Variants in NPAS3 observed in about 807,000 individuals in gnomAD.
The protein encoded by NPAS3 is neuronal PAS domain protein 3.
A neutral mutation model predicts 73.1 loss-of-function variants in NPAS3; 14 were observed. That is an observed-to-expected ratio of 0.19 (90% CI 0.13 to 0.30). The LOEUF (loss-of-function observed/expected upper bound fraction) is 0.30. Among genes scored for constraint, NPAS3 ranks in the 10% least tolerant of loss-of-function variants. NPAS3 has a pLI of 1.00. For synonymous variants in NPAS3, 620 were observed against 541.5 expected, an observed-to-expected ratio of 1.14 and a Z score of -2.01; for missense variants, 1,096 against 1,250.0, an observed-to-expected ratio of 0.88 and a Z score of 1.86.
chr14:33,683,381 T>G (rs541703168), intron 6 of NPAS3, among the ~76,000 whole-genome samples: 1 of 115,248 alleles, frequency 8.7e-6, no homozygotes, highest in Admixed American at 1.2e-4. Flanking sequence ...GTTTCTACAA[T>G]GAAACCCAAG....
chr14:33,773,573 T>C (rs2062721897), intron 7 of NPAS3, among the ~76,000 whole-genome samples: 1 of 152,220 alleles, frequency 6.6e-6, no homozygotes, highest in Non-Finnish European at 1.5e-5. Context: ...TTTGCTTGGT[T>C]CCGGGTGGCC....
chr14:33,374,978 T>C (rs2046255050), intron 4 of NPAS3, among the ~76,000 whole-genome samples: 1 of 152,204 alleles, frequency 6.6e-6, no homozygotes, highest in African/African-American at 2.4e-5. Context: ...TCTACTTTAT[T>C]GTTGAGTTAA....
At chr14:33,691,980 G>A (rs1435230829) in intron 6 of NPAS3, among the ~76,000 whole-genome samples, 1 of 152,188 alleles carries the variant, frequency 6.6e-6, no homozygotes, top group African/African-American at 2.4e-5. Flanking sequence ...TGGAGTGGGG[G>A]TGCTCTTGTG....
At chr14:33,583,388 G>T (rs971082475) in intron 5 of NPAS3, 1 of 152,212 alleles carries the variant, frequency 6.6e-6, no homozygotes, top group Non-Finnish European at 1.5e-5. Context: ...ATGCCTCACA[G>T]TGGGAAAATA....
chr14:33,491,513 C>T (rs1025916934), intron 4 of NPAS3, among the ~76,000 whole-genome samples: 2 of 152,092 alleles, frequency 1.3e-5, no homozygotes, highest in Non-Finnish European at 2.9e-5. Context: ...GATTGTGGCT[C>T]ATGCAACTGA....
At chr14:33,452,262 G>A (rs1288059927) in intron 4 of NPAS3, among the ~76,000 whole-genome samples, 1 of 152,180 alleles carries the variant, frequency 6.6e-6, no homozygotes, top group Non-Finnish European at 1.5e-5. Flanking sequence ...GAACCTACAT[G>A]CTTAAAGTTT....
chr14:33,659,429 T>C (rs1215141670), intron 5 of NPAS3, among the ~76,000 whole-genome samples: 1 of 152,190 alleles, frequency 6.6e-6, no homozygotes, highest in African/African-American at 2.4e-5. Flanking sequence ...ATTGTGTCTA[T>C]ACAATTAGCC....
intron 2 of NPAS3, among the ~76,000 whole-genome samples, chr14:33,109,437 T>C (rs529249128): frequency 2.0e-5 from 3 of 152,288 alleles, no homozygotes; most frequent in Admixed American, 2.0e-4. Flanking sequence ...TAAAATCCTG[T>C]TTTACATTTT....
chr14:33,157,861 G>T (rs115085616), intron 2 of NPAS3, among the ~76,000 whole-genome samples: 1,677 of 152,246 alleles, frequency 0.011, 33 homozygotes, highest in African/African-American at 0.039. Context: ...GTGAGATGGG[G>T]ATGTCAATAG....
chr14:33,507,148 A>G (rs1465654783), intron 4 of NPAS3, among the ~76,000 whole-genome samples: 1 of 152,088 alleles, frequency 6.6e-6, no homozygotes, highest in Admixed American at 6.6e-5. Flanking sequence ...AGTTTGTCAC[A>G]CCCCAACCCA....
chr14:33,404,297 A>G (rs1258176123), intron 4 of NPAS3, among the ~76,000 whole-genome samples: 1 of 152,084 alleles, frequency 6.6e-6, no homozygotes, highest in Non-Finnish European at 1.5e-5. Context: ...AGAAGGAAAA[A>G]TATTTTAATG....
At chr14:33,522,587 GGT>G (rs2053603938) in intron 4 of NPAS3, among the ~76,000 whole-genome samples, 1 of 152,070 alleles carries the variant, frequency 6.6e-6, no homozygotes, top group Non-Finnish European at 1.5e-5. Flanking sequence ...ATAAGATCAA[GGT>G]GGGAAACAAT....
chr14:33,217,242 C>A (rs1457317037), intron 3 of NPAS3, among the ~76,000 whole-genome samples: 1 of 152,070 alleles, frequency 6.6e-6, no homozygotes, highest in East Asian at 1.9e-4. Flanking sequence ...CCAGAAGCTC[C>A]CTTTCCTGAC....
At chr14:33,500,442 A>G (rs1232914810) in intron 4 of NPAS3, among the ~76,000 whole-genome samples, 1 of 151,882 alleles carries the variant, frequency 6.6e-6, no homozygotes, top group African/African-American at 2.4e-5. Flanking sequence ...CAGCGGAACC[A>G]TCTAGAAGGC....
At chr14:33,245,055 C>T (rs1350624421) in intron 3 of NPAS3, among the ~76,000 whole-genome samples, 2 of 152,096 alleles carry the variant, frequency 1.3e-5, no homozygotes, top group African/African-American at 4.8e-5. Flanking sequence ...CCTGATGTAG[C>T]TGAAGGCTTT....
At chr14:33,218,236 A>G (rs2047295974) in intron 3 of NPAS3, among the ~76,000 whole-genome samples, 1 of 152,158 alleles carries the variant, frequency 6.6e-6, no homozygotes. Flanking sequence ...GTTGGTACAT[A>G]TTCACTTTCA....
At chr14:33,486,054 C>T (rs903947370) in intron 4 of NPAS3, among the ~76,000 whole-genome samples, 8 of 152,018 alleles carry the variant, frequency 5.3e-5, no homozygotes, top group African/African-American at 2.4e-5. Context: ...GGAAAGCAAC[C>T]CAGGCAGAAT....
intron 3 of NPAS3, among the ~76,000 whole-genome samples, chr14:33,359,625 A>G (rs910945242): frequency 4.6e-5 from 7 of 152,354 alleles, no homozygotes; most frequent in East Asian, 3.9e-4. Context: ...CCCTCTTGAG[A>G]GAGTGTACCA....
intron 4 of NPAS3, among the ~76,000 whole-genome samples, chr14:33,391,955 C>G (rs1040960104): frequency 9.2e-5 from 14 of 152,248 alleles, no homozygotes; most frequent in African/African-American, 3.4e-4. Flanking sequence ...AATCCCCTTA[C>G]TGAATAAATA....
Sources: allele counts gnomAD v4.1 joint callset (sites outside exome capture counted in the v4.1 genomes callset), GRCh38; gene constraint gnomAD v4.1.1; transcripts MANE v1.5; gene names NCBI Gene and HGNC (gene_info 2026-07-23, HGNC 2026-07-21).